The following ASAP2 variants were observed in gnomAD, a reference collection of about 807,000 sequenced individuals.
The protein encoded by ASAP2 is ArfGAP with SH3 domain, ankyrin repeat and PH domain 2.
A neutral mutation model predicts 131.4 loss-of-function variants in ASAP2; 45 were observed. The ratio of observed to expected loss-of-function variants is 0.34; its 90% CI spans 0.27 to 0.44. The LOEUF (loss-of-function observed/expected upper bound fraction) is 0.44, where lower values mean the gene tolerates loss of function less well. Ranked by LOEUF, ASAP2 falls within the 20% of genes least tolerant of loss-of-function variation. The pLI is 1.00. For synonymous variants in ASAP2, 510 were observed against 503.0 expected, an observed-to-expected ratio of 1.01 and a Z score of -0.19; for missense variants, 1,011 against 1,297.0, an observed-to-expected ratio of 0.78 and a Z score of 3.39.
At chr2:9,399,870 TTTTCCCATAAAAAAGA>T (rs906794895) in intron 24 of ASAP2, 137 bp from the exon 25 acceptor site, 5 of 727,158 alleles carry the variant, frequency 6.9e-6, no homozygotes, top group Admixed American at 2.8e-5. Flanking sequence ...TCATTCTTCC[TTTTCCCATAAAAAAGA>T]GACAGCTAAG....
chr2:9,369,988 G>T (rs1430627813), intron 16 of ASAP2, among the ~76,000 whole-genome samples: 1 of 152,166 alleles, frequency 6.6e-6, no homozygotes. Flanking sequence ...ACAGGCACAT[G>T]CCACCACACC....
chr2:9,360,531 CA>C (rs1431891498), intron 15 of ASAP2, among the ~76,000 whole-genome samples: 1 of 152,146 alleles, frequency 6.6e-6, no homozygotes, highest in East Asian at 1.9e-4. Flanking sequence ...TCACCGTCCC[CA>C]ACAAATGTTT....
At chr2:9,387,078 TGGGGGGGC>T (rs1439505572) in intron 21 of ASAP2, among the ~76,000 whole-genome samples, 5 of 141,968 alleles carry the variant, frequency 3.5e-5, no homozygotes, top group Non-Finnish European at 6.1e-5. Context: ...TGGTGGTGGG[TGGGGGGGC>T]GCCTGTAGTC....
In ASAP2 at chr2:9,389,734, G is replaced by T. The variant is rs1464072898; in HGVS notation, c.2383+1188G>T. Among the ~76,000 whole-genome samples, 1 of 152,310 alleles carries T rather than the reference G, an allele frequency of 6.6e-6. No individual in the cohort carries two copies. The highest frequency in any genetic ancestry group is 1.5e-5 in the Non-Finnish European group (1 of 68,034). ...GCAGACCTTCCCCCAGGCAGGCCCA[G>T]AAGCCAGCTGCTTGCTGTCCCCACA... On this transcript the variant is annotated intron_variant, in intron 22 of 27. Transcript: ENST00000281419. This position sits in a 1 kb window ranked among gnomAD's most constrained non-coding sequence, Gnocchi z 4.7.
At chr2:9,362,312 C>A (rs1327325371) in intron 15 of ASAP2, among the ~76,000 whole-genome samples, 1 of 152,194 alleles carries the variant, frequency 6.6e-6, no homozygotes, top group Non-Finnish European at 1.5e-5. Flanking sequence ...TGGACAGGTT[C>A]TCTCACAGGA....
intron 11 of ASAP2, among the ~76,000 whole-genome samples, chr2:9,346,769 T>C (rs1449610806): frequency 6.6e-6 from 1 of 152,238 alleles, no homozygotes; most frequent in East Asian, 1.9e-4. Context: ...GATCCAGGCC[T>C]CAGCTTAAGC....
At chr2:9,353,356 G>A (rs1355780791) in intron 12 of ASAP2, among the ~76,000 whole-genome samples, 1 of 152,116 alleles carries the variant, frequency 6.6e-6, no homozygotes, top group Non-Finnish European at 1.5e-5. Flanking sequence ...CTTGAGGTCA[G>A]GAGTTCGAGA....
At chr2:9,230,485 A>AT (rs1196130269) in intron 1 of ASAP2, among the ~76,000 whole-genome samples, 1 of 152,192 alleles carries the variant, frequency 6.6e-6, no homozygotes, top group African/African-American at 2.4e-5. Context: ...GCTGAGACTG[A>AT]TTCCCCAGTG....
At chr2:9,390,671 A>G (rs2709559) in intron 22 of ASAP2, among the ~76,000 whole-genome samples, 41,961 of 152,120 alleles carry the variant, frequency 0.28, 10,852 homozygotes, top group African/African-American at 0.69. Flanking sequence ...TGACTCCCAC[A>G]GCCCATGGGA....
chr2:9,216,229 G>C (rs930165853), intron 1 of ASAP2, among the ~76,000 whole-genome samples: 3 of 151,828 alleles, frequency 2.0e-5, no homozygotes, highest in African/African-American at 7.3e-5. Context: ...TGCTGCTGTT[G>C]CAAGAGTGTG....
chr2:9,228,304 T>C (rs1207749402), intron 1 of ASAP2, among the ~76,000 whole-genome samples: 1 of 152,232 alleles, frequency 6.6e-6, no homozygotes, highest in Non-Finnish European at 1.5e-5. Flanking sequence ...TCATGGTGAG[T>C]ATTCCAGTTA....
At position 9,376,921 on chromosome 2, in the gene ASAP2, C is replaced by T. The variant is rs755995156; in HGVS notation, c.1760C>T (p.Thr587Met). ...TTGGTTTTTCAGGAGCCGGATGAAA[C>T]GGCCCTCCACCTTGCAGTCAGATCC... ...PLANGHEPDETALHLAVRSVD... is the reference protein window; with the variant it reads ...PLANGHEPDEMALHLAVRSVD... The change falls in exon 18 of 28, where the codon ACG (threonine) becomes ATG (methionine). Residue 587 changes from threonine to methionine, a missense_variant. Transcript: ENST00000281419. 15 of 1,613,974 alleles carry T rather than the reference C, an allele frequency of 9.3e-6. No homozygotes were observed. Among genetic ancestry groups the T allele is most frequent in the East Asian group, 2.2e-5 (1 of 44,888 alleles).
chr2:9,393,421 G>A, intron 23 of ASAP2, 61 bp from the exon 24 acceptor site: 1 of 1,431,566 alleles, frequency 7.0e-7, no homozygotes, highest in Non-Finnish European at 9.4e-7. Flanking sequence ...CCTCCAGTGA[G>A]GAGGCCTGAG....
At chr2:9,271,212 T>C in intron 1 of ASAP2, 1 of 625,154 alleles carries the variant, frequency 1.6e-6, no homozygotes, top group Admixed American at 2.5e-5. Flanking sequence ...TTTAAACTTG[T>C]GACAAGGGAC....
chr2:9,359,002 A>G, intron 15 of ASAP2, 113 bp downstream of exon 15: 1 of 1,282,280 alleles, frequency 7.8e-7, no homozygotes, highest in Non-Finnish European at 1.1e-6. Flanking sequence ...ATGTTGCCAG[A>G]TTGGTTTGGA....
At chr2:9,235,823 G>C (rs1056703270) in intron 1 of ASAP2, among the ~76,000 whole-genome samples, 1 of 151,350 alleles carries the variant, frequency 6.6e-6, no homozygotes, top group African/African-American at 2.4e-5. Context: ...GAACTTGGTT[G>C]GTGGATGCAG....
intron 1 of ASAP2, among the ~76,000 whole-genome samples, chr2:9,260,548 T>C (rs1449259308): frequency 6.6e-6 from 1 of 152,164 alleles, no homozygotes; most frequent in African/African-American, 2.4e-5. Context: ...AAAAGGCACA[T>C]GACCTTGTTT....
intron 1 of ASAP2, among the ~76,000 whole-genome samples, chr2:9,274,414 C>T (rs1266146555): frequency 7.3e-5 from 11 of 151,324 alleles, no homozygotes; most frequent in African/African-American, 2.7e-4. Context: ...CCTTTGTCCC[C>T]CAGGTTCAAG....
chr2:9,338,122 C>T (rs543334294), intron 9 of ASAP2, among the ~76,000 whole-genome samples: 19 of 152,154 alleles, frequency 1.2e-4, no homozygotes, highest in Non-Finnish European at 2.2e-4. Context: ...GGGGTGCTGG[C>T]GGAGTCCCAA....
Sources: allele counts gnomAD v4.1 joint callset (sites outside exome capture counted in the v4.1 genomes callset), GRCh38; gene constraint gnomAD v4.1.1; non-coding constraint Gnocchi (gnomAD v3.1); transcripts MANE v1.5; gene names NCBI Gene and HGNC (gene_info 2026-07-23, HGNC 2026-07-21).